Variants in IGF2R observed in about 807,000 individuals in gnomAD.
The protein encoded by IGF2R is cation-independent mannose-6-phosphate receptor.
IGF2R carries 91 observed loss-of-function variants against 270.6 expected under a neutral mutation model. The observed-to-expected ratio is 0.34, with a 90% confidence interval of 0.28 to 0.40. The LOEUF (loss-of-function observed/expected upper bound fraction) is 0.40, where lower values mean the gene tolerates loss of function less well. Among genes scored for constraint, IGF2R ranks in the 10% least tolerant of loss-of-function variants. The pLI is 1.00. For synonymous variants in IGF2R, 1,316 were observed against 1,258.9 expected, an observed-to-expected ratio of 1.05 and a Z score of -0.96; for missense variants, 2,805 against 3,188.3, an observed-to-expected ratio of 0.88 and a Z score of 2.90.
At chr6:160,086,161 ATCATCT>A (rs1391922113) in intron 41 of IGF2R, among the ~76,000 whole-genome samples, 2 of 152,178 alleles carry the variant, frequency 1.3e-5, no homozygotes, top group African/African-American at 4.8e-5. Flanking sequence ...ATGGAACTAG[ATCATCT>A]GACTTCTTAG....
intron 1 of IGF2R, among the ~76,000 whole-genome samples, chr6:159,989,900 A>G (rs916788791): frequency 1.3e-5 from 2 of 152,240 alleles, no homozygotes; most frequent in African/African-American, 4.8e-5. Context: ...GAAACCACCT[A>G]TTTTGTCCCA....
At chr6:160,085,384 A>G (rs1397133158) in intron 41 of IGF2R, among the ~76,000 whole-genome samples, 1 of 152,100 alleles carries the variant, frequency 6.6e-6, no homozygotes, top group East Asian at 1.9e-4. Flanking sequence ...AAGTGCGTCT[A>G]TCCAGGAGGA....
chr6:160,005,600 A>T (rs1051529807), intron 2 of IGF2R: 1 of 152,276 alleles, frequency 6.6e-6, no homozygotes. Flanking sequence ...CCCGCACATT[A>T]TGAGGGACCC....
At position 160,061,511 on chromosome 6, in the gene IGF2R, G is replaced by A. The variant is rs771012075; in HGVS notation, c.3271G>A (p.Gly1091Arg). Residue 1091 changes from glycine (G) to arginine (R), a missense_variant, in exon 24 of 48, where the codon GGA (glycine) becomes AGA (arginine). By Grantham distance (125) the Gly-to-Arg change is moderately radical. Around this residue, in one of 2 missense-constraint regions of IGF2R, gnomAD observed 1,851 missense variants for 2,207.2 expected, o/e 0.84. Transcript: ENST00000356956. ...TTTTTGTTGTGTTTCAGACCTGGCT[G>A]GAAATGAGTACGACCTGACTGGCCT... The part of the protein sequence containing the change: ...PVDCQVTDLA[G>R]NEYDLTGLST... The A allele has an allele frequency of 3.7e-6, 6 of 1,613,766 alleles. No individual in the cohort carries two copies. Among genetic ancestry groups the A allele is most frequent in the Admixed American group, 3.3e-5 (2 of 59,934 alleles).
chr6:159,980,211 G>GA (rs201689353), intron 1 of IGF2R, among the ~76,000 whole-genome samples: 5 of 78,432 alleles, frequency 6.4e-5, no homozygotes, highest in Middle Eastern at 6.2e-3. Context: ...AAGAAAGAAA[G>GA]AAAGAAAGAA....
chr6:160,058,154 GC>G, intron 21 of IGF2R, 30 bp downstream of exon 21: 1 of 1,455,426 alleles, frequency 6.9e-7, no homozygotes, highest in Non-Finnish European at 9.7e-7. Context: ...TTTCCAGTTT[GC>G]TTTGAAACAG....
In IGF2R at chr6:160,078,187, C is replaced by T. The variant is rs1259939321; in HGVS notation, c.5317-14C>T. 1.9e-6 allele frequency: 3 copies of T among 1,613,734 alleles called. No individual in the cohort carries two copies. Among genetic ancestry groups the T allele is most frequent in the East Asian group, 2.2e-5 (1 of 44,880 alleles). ...CCATGGGGTTTTTAAGACCCGTGCT[C>T]TTCCTGGCAACAGGGAACGCCTAAG... On this transcript the variant is annotated splice_polypyrimidine_tract_variant and intron_variant, in intron 36 of 47. Transcript: ENST00000356956.
At position 160,063,639 on chromosome 6, in the gene IGF2R, G is replaced by C. The variant is rs1372263189; in HGVS notation, c.3886+9G>C. On this transcript the variant is annotated intron_variant, in intron 27 of 47. Coordinates refer to ENST00000356956, the MANE Select transcript of IGF2R (RefSeq NM_000876.4). ...ATTTCACAAAGTGGCAGGTACCATT[G>C]TTTGTCGTTTTCCTTTTGTTGCAAA... 6.3e-7 allele frequency: 1 copy of C among 1,599,922 alleles called. No individual in the cohort carries two copies. The highest frequency in any genetic ancestry group is 1.7e-5 in the Admixed American group (1 of 58,878).
chr6:159,973,990 G>C (rs1783651062), intron 1 of IGF2R, among the ~76,000 whole-genome samples: 1 of 152,190 alleles, frequency 6.6e-6, no homozygotes, highest in African/African-American at 2.4e-5. Context: ...GCCACAGAGA[G>C]CTCTTGCTAA....
Position 160,059,022 on chromosome 6 carries a change from C to A in IGF2R, c.3015C>A (p.Val1005=). ...ELKNWKPARP[V]GIEKSLQLST... ...AGAATTGGAAGCCAGCAAGGCCAGT[C>A]GGAATTGAGAAAAGCCTCCAGCTGT... is the stretch of plus-strand genomic sequence containing the variant. The change falls in exon 22 of 48, where the codon GTC becomes GTA. Residue 1005 remains valine (V), a synonymous_variant. Coordinates refer to ENST00000356956, the MANE Select transcript of IGF2R (RefSeq NM_000876.4). 1.2e-6 allele frequency: 2 copies of A among 1,614,202 alleles called. No individual in the cohort carries two copies. Among genetic ancestry groups the A allele is most frequent in the South Asian group, 2.2e-5 (2 of 91,072 alleles).
intron 4 of IGF2R, among the ~76,000 whole-genome samples, chr6:160,018,138 A>G (rs1777347659): frequency 6.6e-6 from 1 of 152,174 alleles, no homozygotes; most frequent in African/African-American, 2.4e-5. Flanking sequence ...ATTGGTAAAG[A>G]CATACACTGA....
chr6:160,064,146 C>G (rs1034948430), intron 27 of IGF2R, among the ~76,000 whole-genome samples: 3 of 152,176 alleles, frequency 2.0e-5, no homozygotes, highest in Admixed American at 6.6e-5. Context: ...GTGACATTCC[C>G]TTAGGTGATG....
rs1156844255 is a variant in IGF2R at position 160,088,298 on chromosome 6, G to T, written c.6320+151G>T. The T allele has an allele frequency of 9.5e-6, 6 of 632,078 alleles. No individual in the cohort carries two copies. The South Asian group carries it at 1.1e-4, about 11-fold the overall frequency. The allele number at this position is 632,078 out of a possible 1,614,324, so 39.2% of individuals were successfully genotyped here. A position where few individuals can be genotyped will look rare whatever the true frequency, so the allele number is the denominator to read the frequency against. ...GCTGTATTGGGCGGGGCTGCTCCAG[G>T]CAGGGAAGACCTCCAGATACAGTGC... is the stretch of plus-strand genomic sequence containing the variant. On this transcript the variant is annotated intron_variant, in intron 42 of 47. Coordinates refer to ENST00000356956, the MANE Select transcript of IGF2R (RefSeq NM_000876.4).
chr6:159,983,094 CA>C (rs1316378103), intron 1 of IGF2R, among the ~76,000 whole-genome samples: 1 of 152,148 alleles, frequency 6.6e-6, no homozygotes, highest in East Asian at 1.9e-4. Context: ...TTTGGACAGA[CA>C]TTTAGAACTC....
chr6:160,009,870 C>T (rs963326322), intron 3 of IGF2R, among the ~76,000 whole-genome samples: 2 of 152,168 alleles, frequency 1.3e-5, no homozygotes, highest in Non-Finnish European at 2.9e-5. Flanking sequence ...GAATTTGGGA[C>T]TGTGACTATT....
In IGF2R at chr6:160,089,165, G is replaced by A. The variant is rs142990243; in HGVS notation, c.6379G>A (p.Val2127Met). The change falls in exon 43 of 48, where the codon GTG becomes ATG. Residue 2127 changes from valine to methionine, a missense_variant. Coordinates refer to ENST00000356956, the MANE Select transcript of IGF2R (RefSeq NM_000876.4). ...FSWDSRAACA[V>M]KPQEVQMVNG... Reference sequence around the variant, plus strand: ...CTGGGACTCCCGGGCTGCCTGCGCCGTGAAGCCTCAGGAGGTGCAGATGGT... The same window carrying A: ...CTGGGACTCCCGGGCTGCCTGCGCCATGAAGCCTCAGGAGGTGCAGATGGT... 2.1e-4 allele frequency: 338 copies of A among 1,613,902 alleles called. 4 individuals are homozygous for A. The Middle Eastern group carries it at 0.011, about 52-fold the overall frequency.
At position 159,995,851 on chromosome 6, in the gene IGF2R, A is replaced by G. The variant is rs182549886; in HGVS notation, c.289+4528A>G. Among the ~76,000 whole-genome samples, 690 of 145,048 alleles carry G rather than the reference A, an allele frequency of 4.8e-3. 4 individuals are homozygous for G. The highest frequency in any genetic ancestry group is 0.015 in the African/African-American group (597 of 39,352). Reference sequence around the variant, plus strand: ...AAGGATTTCATTTTCTTTAGGGTCCACTGCTGGAGAGTTAGTGTGAGTCTT... The same window carrying G: ...AAGGATTTCATTTTCTTTAGGGTCCGCTGCTGGAGAGTTAGTGTGAGTCTT... On this transcript the variant is annotated intron_variant, in intron 2 of 47. Coordinates refer to ENST00000356956, the MANE Select transcript of IGF2R (RefSeq NM_000876.4).
chr6:160,090,327 T>C (rs1184131652), intron 44 of IGF2R: 3 of 348,038 alleles, frequency 8.6e-6, no homozygotes, highest in African/African-American at 6.3e-5. Flanking sequence ...ATCAAGTAAA[T>C]GTACAAAAAA....
chr6:159,988,822 G>A (rs924706178), intron 1 of IGF2R, among the ~76,000 whole-genome samples: 10 of 152,246 alleles, frequency 6.6e-5, no homozygotes, highest in East Asian at 1.9e-4. Context: ...AGGGCAGGGC[G>A]TCTTTGTTTT....
Sources: allele counts gnomAD v4.1 joint callset (sites outside exome capture counted in the v4.1 genomes callset), GRCh38; gene constraint gnomAD v4.1.1; regional missense constraint gnomAD v4.1.1; transcripts MANE v1.5; gene names NCBI Gene and HGNC (gene_info 2026-07-23, HGNC 2026-07-21).